The following ZNF638 variants were observed in gnomAD, a reference collection of about 807,000 sequenced individuals.
The protein encoded by ZNF638 is CTCL tumor antigen se33-1.
ZNF638 carries 46 observed loss-of-function variants against 195.6 expected under a neutral mutation model. The ratio of observed to expected loss-of-function variants is 0.24; its 90% confidence interval spans 0.19 to 0.30. The LOEUF is 0.30. ZNF638 is among the 10% of genes least tolerant of loss of function. ZNF638 has a pLI of 1.00. For synonymous variants in ZNF638, 845 were observed against 772.0 expected (o/e 1.09, Z -1.57); for missense variants, 2,440 against 2,325.3 (o/e 1.05, Z -1.01).
rs779006911 is a variant in ZNF638, at chr2:71,434,735, T to G, written c.5872-7T>G. The G allele has an allele frequency of 6.2e-7, 1 of 1,612,774 alleles. No individual in the cohort carries two copies. The highest frequency in any genetic ancestry group is 8.5e-7 in the Non-Finnish European group (1 of 1,179,500). ...AAGTATTTTATATTGCAAATTGCTT[T>G]TAACAGAAATTCATGGCCAAGCAAA... On this transcript the variant is annotated splice_region_variant and splice_polypyrimidine_tract_variant and intron_variant, in intron 27 of 27. Coordinates refer to ENST00000264447, the MANE Select transcript of ZNF638 (RefSeq NM_014497.5).
intron 17 of ZNF638, among the ~76,000 whole-genome samples, chr2:71,404,963 T>C (rs1053539734): frequency 1.3e-5 from 2 of 152,180 alleles, no homozygotes; most frequent in Admixed American, 6.5e-5. Context: ...CAGGTAGAAA[T>C]GCATGTAATG....
chr2:71,369,835 C>G, intron 7 of ZNF638, 48 bp from the exon 8 acceptor site: 1 of 1,526,666 alleles, frequency 6.6e-7, no homozygotes, highest in South Asian at 1.3e-5. Context: ...AATGCAGGAA[C>G]TTTTAAAGAT....
chr2:71,331,957 T>C (rs748170826), intron 1 of ZNF638, 82 bp downstream of exon 1: 23 of 981,300 alleles, frequency 2.3e-5, no homozygotes, highest in Non-Finnish European at 2.4e-5. Flanking sequence ...TCCTGTGAGA[T>C]CCGGGCCGAC....
At chr2:71,332,040 G>A (rs984034414) in intron 1 of ZNF638, among the ~76,000 whole-genome samples, 165 bp downstream of exon 1, 1 of 152,182 alleles carries the variant, frequency 6.6e-6, no homozygotes, top group Admixed American at 6.5e-5. Flanking sequence ...GGAGGTTGGG[G>A]GACCCCCGGG....
Position 71,365,535 on chromosome 2 carries a change from A to G in ZNF638, c.1824A>G (p.Gln608=). ...CTGATAAGGGACATTCACCAGCACA[A>G]AAGCCTAAAACTAGCAGTGGAACAA... The part of the protein sequence containing the change: ...EAADKGHSPA[Q]KPKTSSGTKP... The change falls in exon 6 of 28, where the codon CAA becomes CAG. Residue 608 remains glutamine, a synonymous_variant. Coordinates refer to ENST00000264447, the MANE Select transcript of ZNF638 (RefSeq NM_014497.5). 2 of 1,614,190 alleles carry G rather than the reference A, an allele frequency of 1.2e-6. No homozygotes were observed. Among genetic ancestry groups the G allele is most frequent in the Non-Finnish European group, 1.7e-6 (2 of 1,180,032 alleles).
At chr2:71,347,426 A>G (rs1204029954) in intron 1 of ZNF638, among the ~76,000 whole-genome samples, 1 of 152,220 alleles carries the variant, frequency 6.6e-6, no homozygotes, top group African/African-American at 2.4e-5. Flanking sequence ...CAAATTAACA[A>G]TTACTAACAT....
chr2:71,426,241 G>T (rs959299884), intron 23 of ZNF638, among the ~76,000 whole-genome samples: 1 of 152,040 alleles, frequency 6.6e-6, no homozygotes, highest in African/African-American at 2.4e-5. Context: ...GAATTAGGTT[G>T]ATACTGTTAG....
At chr2:71,385,226 A>T (rs929088308) in intron 10 of ZNF638, among the ~76,000 whole-genome samples, 5 of 152,236 alleles carry the variant, frequency 3.3e-5, no homozygotes, top group Admixed American at 6.5e-5. Context: ...AGAGTATGAC[A>T]GTTTAACTTA....
chr2:71,381,836 G>A (rs1253569927), intron 10 of ZNF638, among the ~76,000 whole-genome samples: 1 of 152,052 alleles, frequency 6.6e-6, no homozygotes, highest in Non-Finnish European at 1.5e-5. Flanking sequence ...TTCTGGATAA[G>A]AGCTAGTAAA....
At chr2:71,375,623 T>C (rs1212268684) in intron 8 of ZNF638, 2 of 152,214 alleles carry the variant, frequency 1.3e-5, no homozygotes, top group South Asian at 2.1e-4. Context: ...AAGGATTAAA[T>C]ACATAATTTA....
At chr2:71,433,083 T>C in intron 26 of ZNF638, 82 bp from the exon 27 acceptor site, 1 of 1,142,230 alleles carries the variant, frequency 8.8e-7, no homozygotes, top group South Asian at 1.3e-5. Context: ...TGAGACTCCG[T>C]CTCAAATAAA....
chr2:71,382,733 A>G (rs760072438), intron 10 of ZNF638, among the ~76,000 whole-genome samples: 1 of 152,234 alleles, frequency 6.6e-6, no homozygotes, highest in Non-Finnish European at 1.5e-5. Flanking sequence ...TTAAATATAA[A>G]ATAAACATTA....
chr2:71,332,314 C>G (rs1043598344), intron 1 of ZNF638, among the ~76,000 whole-genome samples: 3 of 152,224 alleles, frequency 2.0e-5, no homozygotes, highest in Non-Finnish European at 4.4e-5. Context: ...GGAAGCGTTC[C>G]CGTCGGGCCC....
intron 23 of ZNF638, among the ~76,000 whole-genome samples, 152 bp from the exon 24 acceptor site, chr2:71,426,307 TA>T (rs1286842053): frequency 1.3e-5 from 2 of 151,980 alleles, no homozygotes; most frequent in Admixed American, 6.6e-5. Context: ...TGTGGGGCTT[TA>T]AAAAAAACAA....
At chr2:71,382,473 A>G (rs2079550944) in intron 10 of ZNF638, among the ~76,000 whole-genome samples, 1 of 152,184 alleles carries the variant, frequency 6.6e-6, no homozygotes, top group Non-Finnish European at 1.5e-5. Context: ...TGACAGGAAG[A>G]GTTAATTAGA....
chr2:71,352,516 G>A (rs981204754), intron 2 of ZNF638, among the ~76,000 whole-genome samples: 1 of 151,342 alleles, frequency 6.6e-6, no homozygotes, highest in East Asian at 1.9e-4. Context: ...AAAAAGAAGA[G>A]GAGGGTTGGC....
At chr2:71,338,816 TTAGA>T (rs1395043268) in intron 1 of ZNF638, among the ~76,000 whole-genome samples, 1 of 152,230 alleles carries the variant, frequency 6.6e-6, no homozygotes, top group Non-Finnish European at 1.5e-5. Flanking sequence ...GCTTTCAGTG[TTAGA>T]TATTTTTCTC....
intron 2 of ZNF638, among the ~76,000 whole-genome samples, chr2:71,351,119 A>C (rs1343238483): frequency 6.6e-6 from 1 of 152,186 alleles, no homozygotes; most frequent in Non-Finnish European, 1.5e-5. Context: ...TTAGATTGTA[A>C]AGGGTCAGAA....
chr2:71,396,286 T>C, intron 11 of ZNF638, 95 bp downstream of exon 11: 1 of 975,406 alleles, frequency 1.0e-6, no homozygotes, highest in Non-Finnish European at 1.6e-6. Flanking sequence ...TCACATGACA[T>C]AGTCTGTATT....
Sources: gnomAD v4.1 joint callset for allele counts (sites outside exome capture counted in the v4.1 genomes callset) on GRCh38, gnomAD v4.1.1 for gene constraint, MANE v1.5 for transcripts, NCBI Gene and HGNC (gene_info 2026-07-23, HGNC 2026-07-21) for gene names.